Variants in SLC19A3 observed in about 807,000 individuals in gnomAD.
The protein encoded by SLC19A3 is solute carrier family 19 member 3, also known as thiamine transporter 2.
Under a neutral mutation model 40.2 loss-of-function variants are expected in SLC19A3, and 31 were observed. That is an observed-to-expected ratio of 0.77 (90% CI 0.58 to 1.04). SLC19A3 has a LOEUF of 1.04. Ranked by LOEUF, SLC19A3 falls within the 50% of genes least tolerant of loss-of-function variation. The pLI is 0.00. For synonymous variants in SLC19A3, 212 were observed against 227.5 expected (o/e 0.93, Z 0.61); for missense variants, 592 against 596.7 (o/e 0.99, Z 0.08).
At chr2:227,701,280 G>A (rs1695676660) in intron 2 of SLC19A3, 1 of 301,942 alleles carries the variant, frequency 3.3e-6, no homozygotes, top group Middle Eastern at 1.3e-3. Context: ...AATCAGCCCA[G>A]GGTAATTTTG....
chr2:227,702,023 T>C (rs1695714375), intron 2 of SLC19A3, 146 bp downstream of exon 2: 3 of 703,298 alleles, frequency 4.3e-6, no homozygotes, highest in Middle Eastern at 4.0e-4. Flanking sequence ...GTTTGAAAAG[T>C]TCTATATGGG....
chr2:227,685,496 C>G lies in SLC19A3; in HGVS notation c.*1901G>C, dbSNP rs910249186. 7.2e-5 allele frequency: 11 copies of G among 152,272 alleles called. No homozygotes were observed. Among genetic ancestry groups the G allele is most frequent in the African/African-American group, 2.4e-4 (10 of 41,442 alleles). 9.4% of individuals were successfully genotyped at this position (152,272 alleles called of 1,614,324 possible). On this transcript the variant is annotated 3_prime_UTR_variant, in exon 6 of 6. Coordinates refer to ENST00000644224, the MANE Select transcript of SLC19A3 (RefSeq NM_025243.4). ...ATGATCCAGTCGCCTCCCAGCCGGC[C>G]CCACCTCTAACATTGGGGATTACAC...
chr2:227,691,663 C>A lies in SLC19A3; in HGVS notation c.1173-3356G>T, dbSNP rs548664037. On this transcript the variant is annotated intron_variant, in intron 4 of 5. Coordinates refer to ENST00000644224, the MANE Select transcript of SLC19A3 (RefSeq NM_025243.4). ...ATCTGAAATAAATAACTTAATGATGCGTCATAAAGAACTAGAAAAGTAAGA... is the reference window on the plus strand; with the variant it reads ...ATCTGAAATAAATAACTTAATGATGAGTCATAAAGAACTAGAAAAGTAAGA... 3.3e-5 allele frequency among the ~76,000 whole-genome samples: 5 copies of A among 151,692 alleles called. No individual in the cohort carries two copies. The East Asian group carries it at 9.7e-4, about 29-fold the overall frequency.
chr2:227,696,966 G>A (rs1347828895), intron 3 of SLC19A3, among the ~76,000 whole-genome samples: 1 of 152,184 alleles, frequency 6.6e-6, no homozygotes, highest in Non-Finnish European at 1.5e-5. Flanking sequence ...TCAGGAGGCT[G>A]AGGCAGGAGA....
At chr2:227,706,008 G>A (rs1291306708) in intron 1 of SLC19A3, among the ~76,000 whole-genome samples, 8 of 151,580 alleles carry the variant, frequency 5.3e-5, no homozygotes, top group Admixed American at 4.6e-4. Context: ...TAATCATGCT[G>A]CTGCACTCCA....
chr2:227,684,324 T>A lies in SLC19A3; in HGVS notation c.*3073A>T, dbSNP rs1331598330. The A allele has an allele frequency of 6.6e-6, 1 of 152,112 alleles. No individual in the cohort carries two copies. Among genetic ancestry groups the A allele is most frequent in the African/African-American group, 2.4e-5 (1 of 41,422 alleles). The allele number at this position is 152,112 out of a possible 1,614,324, so 9.4% of individuals were successfully genotyped here. A position where few individuals can be genotyped will look rare whatever the true frequency, so the allele number is the denominator to read the frequency against. On this transcript the variant is annotated 3_prime_UTR_variant, in exon 6 of 6. Transcript: ENST00000644224. The stretch of plus-strand genomic sequence containing the variant: ...TGTGAAGGAATCATAATGCATTTTT[T>A]AATCCACTTTGGGTCTCACTCTGTC...
intron 1 of SLC19A3, among the ~76,000 whole-genome samples, chr2:227,705,624 G>A (rs999573148): frequency 2.6e-5 from 4 of 152,078 alleles, no homozygotes; most frequent in African/African-American, 9.7e-5. Flanking sequence ...CAATGTAAAA[G>A]CATTTATTTT....
chr2:227,713,576 G>A (rs1275753289), intron 1 of SLC19A3, among the ~76,000 whole-genome samples: 2 of 152,102 alleles, frequency 1.3e-5, no homozygotes, highest in Admixed American at 1.3e-4. Flanking sequence ...AAAGCCCTGA[G>A]CTTGCAGCCT....
chr2:227,687,575 T>C lies in SLC19A3; in HGVS notation c.1315-2A>G. Reference sequence around the variant, plus strand: ...AAAATAGCTCCCATAAACTAAAAACTGGAGAAAAACAAATAATTAGCCACA... The same window carrying C: ...AAAATAGCTCCCATAAACTAAAAACCGGAGAAAAACAAATAATTAGCCACA... On this transcript the variant is annotated splice_acceptor_variant, in intron 5 of 5. Transcript: ENST00000644224. LOFTEE classifies it high-confidence loss of function. 1.2e-6 allele frequency: 2 copies of C among 1,613,590 alleles called. No homozygotes were observed. The highest frequency in any genetic ancestry group is 1.7e-6 in the Non-Finnish European group (2 of 1,179,742).
intron 2 of SLC19A3, 46 bp downstream of exon 2, chr2:227,702,123 T>A: frequency 6.5e-7 from 1 of 1,534,500 alleles, no homozygotes. Context: ...TCAAGTCCCA[T>A]AAAATTTAAA....
intron 1 of SLC19A3, among the ~76,000 whole-genome samples, chr2:227,704,118 A>G (rs1441383488): frequency 6.6e-6 from 1 of 152,208 alleles, no homozygotes; most frequent in Non-Finnish European, 1.5e-5. Context: ...TGCTGAATGA[A>G]TTGAATAAAC....
rs1166675875 is a variant in SLC19A3 at position 227,707,751 on chromosome 2, A to T, written c.-2-5431T>A. On this transcript the variant is annotated intron_variant, in intron 1 of 5. Transcript: ENST00000644224. ...TCTCAATCTCTATTTTTTTTGAGACAGAGTCTCACTCTATTGCCCAGGCTG... is the reference window on the plus strand; with the variant it reads ...TCTCAATCTCTATTTTTTTTGAGACTGAGTCTCACTCTATTGCCCAGGCTG... Among the ~76,000 whole-genome samples, 6 of 152,074 alleles carry T rather than the reference A, an allele frequency of 3.9e-5. 1 individual carries two copies. Among genetic ancestry groups the T allele is most frequent in the African/African-American group, 1.4e-4 (6 of 41,428 alleles).
intron 4 of SLC19A3, 160 bp downstream of exon 4, chr2:227,695,729 T>G: frequency 1.4e-6 from 1 of 701,790 alleles, no homozygotes; most frequent in Non-Finnish European, 2.4e-6. Context: ...GAGCAAATAG[T>G]TAAATGAAAA....
In SLC19A3 at chr2:227,699,385, C is replaced by T; in HGVS notation, c.330G>A (p.Glu110=). The T allele has an allele frequency of 6.2e-7, 1 of 1,614,158 alleles. No individual in the cohort carries two copies. The highest frequency in any genetic ancestry group is 1.1e-5 in the South Asian group (1 of 91,078). ...CGGCGGTGACCATCCCATAGAAGAA[C>T]TCTACAACCTGCATGGTCTTCACTC... ...GQGVKTMQVV[E]FFYGMVTAAE... Residue 110 remains glutamate (E), a synonymous_variant, in exon 3 of 6, where the codon GAG becomes GAA. Coordinates refer to ENST00000644224, the MANE Select transcript of SLC19A3 (RefSeq NM_025243.4).
rs900236423 is a variant in SLC19A3, at chr2:227,686,267, T to C, written c.*1130A>G. On this transcript the variant is annotated 3_prime_UTR_variant, in exon 6 of 6. Coordinates refer to ENST00000644224, the MANE Select transcript of SLC19A3 (RefSeq NM_025243.4). ...TCAGTGTTTTCTTATTTCTAATACT[T>C]CTAGAAACCTCCTTTAAGTTTTCCT... 2.9e-6 allele frequency: 1 copy of C among 339,298 alleles called. No individual in the cohort carries two copies. Among genetic ancestry groups the C allele is most frequent in the African/African-American group, 2.2e-5 (1 of 45,592 alleles). 21.0% of individuals were successfully genotyped at this position (339,298 alleles called of 1,614,324 possible). A position where few individuals can be genotyped will look rare whatever the true frequency, so the allele number is the denominator to read the frequency against.
chr2:227,692,393 T>C (rs1695266474), intron 4 of SLC19A3, among the ~76,000 whole-genome samples: 1 of 152,266 alleles, frequency 6.6e-6, no homozygotes, highest in South Asian at 2.1e-4. Flanking sequence ...GCAAGGATCA[T>C]TTAACATATG....
chr2:227,704,250 C>T (rs1695842004), intron 1 of SLC19A3, among the ~76,000 whole-genome samples: 1 of 152,178 alleles, frequency 6.6e-6, no homozygotes, highest in Non-Finnish European at 1.5e-5. Flanking sequence ...TCACGCCTCA[C>T]CACTGAGAAT....
chr2:227,710,415 G>T (rs980277215), intron 1 of SLC19A3, among the ~76,000 whole-genome samples: 2 of 152,050 alleles, frequency 1.3e-5, no homozygotes, highest in Non-Finnish European at 2.9e-5. Context: ...ACAAAATAAG[G>T]CTGGGTGCGG....
In SLC19A3 at chr2:227,687,215, G is replaced by T; in HGVS notation, c.*182C>A. ...TGACGGGTCCTGTCAATTGCATCCAGTAAAATTGGTCACATAGAGAACTCA... is the reference window on the plus strand; with the variant it reads ...TGACGGGTCCTGTCAATTGCATCCATTAAAATTGGTCACATAGAGAACTCA... On this transcript the variant is annotated 3_prime_UTR_variant, in exon 6 of 6. Coordinates refer to ENST00000644224, the MANE Select transcript of SLC19A3 (RefSeq NM_025243.4). 1 of 584,766 alleles carries T rather than the reference G, an allele frequency of 1.7e-6. No individual in the cohort carries two copies. The highest frequency in any genetic ancestry group is 2.9e-6 in the Non-Finnish European group (1 of 342,210). The allele number at this position is 584,766 out of a possible 1,614,324, so 36.2% of individuals were successfully genotyped here.
Sources: allele counts gnomAD v4.1 joint callset (sites outside exome capture counted in the v4.1 genomes callset), GRCh38; gene constraint gnomAD v4.1.1; transcripts MANE v1.5; gene names NCBI Gene and HGNC (gene_info 2026-07-23, HGNC 2026-07-21).